Variants in CDH12 observed in about 807,000 individuals in gnomAD.
The protein encoded by CDH12 is cadherin 12, also known as cadherin-12.
A neutral mutation model predicts 74.1 loss-of-function variants in CDH12; 41 were observed. That is an observed-to-expected ratio of 0.55 (90% CI 0.43 to 0.72). The LOEUF is 0.72. CDH12 is among the 30% of genes least tolerant of loss of function. The pLI is 0.00. For synonymous variants in CDH12, 399 were observed against 355.0 expected (o/e 1.12, Z -1.39); for missense variants, 945 against 977.2 (o/e 0.97, Z 0.44).
intron 7 of CDH12, among the ~76,000 whole-genome samples, chr5:21,845,453 T>C (rs148729341): frequency 1.1e-3 from 166 of 152,176 alleles, no homozygotes; most frequent in African/African-American, 3.7e-3. Context: ...CCATGTCCAC[T>C]GAGTCCCTAA....
chr5:22,703,700 T>C (rs181500900), intron 1 of CDH12, among the ~76,000 whole-genome samples: 22 of 152,306 alleles, frequency 1.4e-4, no homozygotes, highest in Admixed American at 4.6e-4. Flanking sequence ...TTTGGAATTC[T>C]TACTATACAT....
intron 5 of CDH12, among the ~76,000 whole-genome samples, chr5:22,025,007 T>TA (rs1275241270): frequency 2.0e-5 from 3 of 152,150 alleles, no homozygotes; most frequent in Non-Finnish European, 4.4e-5. Context: ...ACCCAACTGA[T>TA]ACTCAGCTTA....
chr5:22,772,415 A>T (rs1393220917), intron 1 of CDH12, among the ~76,000 whole-genome samples: 3 of 152,086 alleles, frequency 2.0e-5, no homozygotes, highest in Non-Finnish European at 4.4e-5. Flanking sequence ...TAACCTCAAA[A>T]GTGGAGTGAA....
chr5:22,351,340 A>G (rs1424252150), intron 3 of CDH12, among the ~76,000 whole-genome samples: 1 of 152,188 alleles, frequency 6.6e-6, no homozygotes, highest in Non-Finnish European at 1.5e-5. Context: ...GCATGGGACA[A>G]GTGAGCCACA....
intron 4 of CDH12, among the ~76,000 whole-genome samples, chr5:22,146,506 G>T (rs891905674): frequency 6.6e-6 from 1 of 151,870 alleles, no homozygotes; most frequent in African/African-American, 2.4e-5. Flanking sequence ...AAAATAACTT[G>T]GTAATGTGTT....
At chr5:22,785,692 A>C (rs1393862811) in intron 1 of CDH12, among the ~76,000 whole-genome samples, 1 of 151,854 alleles carries the variant, frequency 6.6e-6, no homozygotes, top group Admixed American at 6.6e-5. Flanking sequence ...TAATTTTTGC[A>C]CCTTTTGTAG....
Position 21,751,759 on chromosome 5 carries a change from T to A in CDH12, c.2363A>T (p.Tyr788Phe). The change falls in exon 15 of 15, where the codon TAT becomes TTT. Residue 788 changes from tyrosine (Y) to phenylalanine (F), a missense_variant. This residue lies in a region of CDH12 where 791 missense variants were observed against 792.8 expected (regional missense o/e 1.00). Transcript: ENST00000382254. ...CCCTTAAGTGACTTTATCAGGGTTA[T>A]AACTCTCTTCTTCGCCAAACATGTC... ...LADMFGEEES[Y>F]NPDKVT 6.2e-7 allele frequency: 1 copy of A among 1,613,876 alleles called. No homozygotes were observed. Among genetic ancestry groups the A allele is most frequent in the Non-Finnish European group, 8.5e-7 (1 of 1,179,902 alleles).
At chr5:22,085,783 T>C (rs1385675689) in intron 4 of CDH12, among the ~76,000 whole-genome samples, 2 of 152,240 alleles carry the variant, frequency 1.3e-5, no homozygotes, top group African/African-American at 2.4e-5. Flanking sequence ...AATGTTATTC[T>C]TCACCTTGAA....
intron 6 of CDH12, among the ~76,000 whole-genome samples, chr5:21,917,438 G>A (rs528223317): frequency 3.0e-4 from 45 of 152,294 alleles, no homozygotes; most frequent in Admixed American, 5.2e-4. Context: ...AAAATTACCA[G>A]TTAAAATTAA....
rs759734847 is a variant in CDH12, at chr5:22,314,941, C to CTTTTTTTTTTTTTTTT, written c.-333+90300_-333+90315dup. 1.0e-4 allele frequency among the ~76,000 whole-genome samples: 7 copies of CTTTTTTTTTTTTTTTT among 67,764 alleles called. 2 individuals carry two copies. Among genetic ancestry groups the CTTTTTTTTTTTTTTTT allele is most frequent in the Non-Finnish European group, 1.7e-4 (7 of 40,180 alleles). 44.5% of individuals were successfully genotyped at this position (67,764 alleles called of 152,430 possible). ...GAAAAGCAGAGGTCCCTGGGTTGGT[C>CTTTTTTTTTTTTTTTT]TTTTTTTTTTTTTTTTTTTTTTTTT... On this transcript the variant is annotated intron_variant, in intron 3 of 14. Transcript: ENST00000382254.
chr5:21,995,243 G>T (rs1401129309), intron 5 of CDH12, among the ~76,000 whole-genome samples: 1 of 151,478 alleles, frequency 6.6e-6, no homozygotes, highest in Non-Finnish European at 1.5e-5. Flanking sequence ...GACACAAAAT[G>T]TCAGCCAATC....
At chr5:22,781,599 AG>A (rs1347904601) in intron 1 of CDH12, among the ~76,000 whole-genome samples, 12 of 152,128 alleles carry the variant, frequency 7.9e-5, no homozygotes, top group Non-Finnish European at 1.3e-4. Context: ...TGTTATTCTC[AG>A]CAGTAATGGG....
intron 1 of CDH12, among the ~76,000 whole-genome samples, chr5:22,591,737 C>T (rs899322022): frequency 9.9e-5 from 15 of 152,110 alleles, no homozygotes; most frequent in African/African-American, 3.1e-4. Context: ...TTTTCCATAA[C>T]ACATATAGTT....
chr5:22,159,529 C>G (rs1257304300), intron 4 of CDH12, among the ~76,000 whole-genome samples: 3 of 152,116 alleles, frequency 2.0e-5, no homozygotes, highest in Admixed American at 6.6e-5. Flanking sequence ...TGAATTTCCT[C>G]TCTGGCAGCT....
At chr5:22,558,159 A>G (rs1738883489) in intron 1 of CDH12, among the ~76,000 whole-genome samples, 2 of 152,102 alleles carry the variant, frequency 1.3e-5, no homozygotes, top group African/African-American at 4.8e-5. Context: ...ATATGCAAAG[A>G]GATAAACCAG....
intron 6 of CDH12, chr5:21,884,194 T>A: frequency 6.3e-7 from 1 of 1,585,188 alleles, no homozygotes; most frequent in South Asian, 1.1e-5. Context: ...GCTGCTGGTG[T>A]GGCCTCTCTG....
chr5:22,622,798 G>T (rs1021490729), intron 1 of CDH12, among the ~76,000 whole-genome samples: 1 of 152,150 alleles, frequency 6.6e-6, no homozygotes, highest in Non-Finnish European at 1.5e-5. Flanking sequence ...AGAAAAGAGG[G>T]AATCCTCCCT....
At chr5:22,749,872 C>T (rs138395587) in intron 1 of CDH12, among the ~76,000 whole-genome samples, 253 of 152,304 alleles carry the variant, frequency 1.7e-3, no homozygotes, top group Non-Finnish European at 3.1e-3. Context: ...TGATACATTA[C>T]GTTTTCGTAT....
At chr5:22,310,061 G>A (rs536663778) in intron 3 of CDH12, among the ~76,000 whole-genome samples, 2 of 151,948 alleles carry the variant, frequency 1.3e-5, no homozygotes, top group South Asian at 2.1e-4. Context: ...ATGACAGGTC[G>A]ATGGGTGCAG....
Sources: gnomAD v4.1 joint callset for allele counts (sites outside exome capture counted in the v4.1 genomes callset) on GRCh38, gnomAD v4.1.1 for gene constraint, gnomAD v4.1.1 regional missense constraint, MANE v1.5 for transcripts, NCBI Gene and HGNC (gene_info 2026-07-23, HGNC 2026-07-21) for gene names.